Variants in OLAH observed in about 807,000 individuals in gnomAD.
OLAH encodes oleoyl-ACP hydrolase.
Under a neutral mutation model 27.8 loss-of-function variants are expected in OLAH, and 33 were observed. The ratio of observed to expected loss-of-function variants is 1.19; its 90% CI spans 0.90 to 1.59. OLAH has a LOEUF of 1.59. Ranked by LOEUF, OLAH falls within the 40% of genes most tolerant of loss-of-function variation. The pLI is 0.00. For missense variants in OLAH, 359 were observed against 310.8 expected, an observed-to-expected ratio of 1.16 and a Z score of -1.17; for synonymous variants, 120 against 102.9, an observed-to-expected ratio of 1.17 and a Z score of -1.01.
At chr10:15,064,550 A>G in intron 5 of OLAH, 48 bp downstream of exon 5, 1 of 1,062,612 alleles carries the variant, frequency 9.4e-7, no homozygotes, top group East Asian at 2.6e-5. Context: ...GAGCAGGGAA[A>G]TGGGGATAAA....
chr10:15,059,233 C>T (rs908200124), intron 3 of OLAH, among the ~76,000 whole-genome samples: 6 of 143,594 alleles, frequency 4.2e-5, no homozygotes, highest in Non-Finnish European at 7.6e-5. Context: ...TGTCTCCCAG[C>T]TTCAGTGCAG....
At chr10:15,049,575 T>G in intron 2 of OLAH, 60 bp from the exon 3 acceptor site, 1 of 1,059,860 alleles carries the variant, frequency 9.4e-7, no homozygotes, top group Non-Finnish European at 1.3e-6. Flanking sequence ...CACAGGTAAT[T>G]CAGTATAGGG....
At chr10:15,044,173 T>A (rs1397157471) in intron 1 of OLAH, among the ~76,000 whole-genome samples, 187 bp downstream of exon 1, 2 of 152,160 alleles carry the variant, frequency 1.3e-5, no homozygotes, top group Non-Finnish European at 2.9e-5. Context: ...TCTGTCATCT[T>A]GTATTCAATT....
At chr10:15,070,811 G>A (rs1382622538) in intron 6 of OLAH, among the ~76,000 whole-genome samples, 1 of 138,372 alleles carries the variant, frequency 7.2e-6, no homozygotes, top group Non-Finnish European at 1.5e-5. Flanking sequence ...TTTGAGACAG[G>A]ATCTTACTCT....
upstream of OLAH, among the ~76,000 whole-genome samples, chr10:15,043,612 C>T (rs1192056461): frequency 6.6e-6 from 1 of 151,780 alleles, no homozygotes; most frequent in African/African-American, 2.4e-5. Context: ...GTAGCAGGTG[C>T]CTACCACCAT....
intron 3 of OLAH, among the ~76,000 whole-genome samples, chr10:15,054,612 CT>C (rs5783429): frequency 0.43 from 65,723 of 151,798 alleles, 14,412 homozygotes; most frequent in East Asian, 0.6. Context: ...ATGACTACTA[CT>C]TTGTTTTGTA....
intron 1 of OLAH, among the ~76,000 whole-genome samples, chr10:15,035,900 A>C (rs1016666197): frequency 3.9e-5 from 6 of 152,126 alleles, no homozygotes; most frequent in Non-Finnish European, 7.4e-5. Flanking sequence ...TTCATTGCTC[A>C]TGTTCTCATT....
intron 3 of OLAH, among the ~76,000 whole-genome samples, chr10:15,053,574 A>G (rs1443287352): frequency 6.6e-6 from 1 of 152,230 alleles, no homozygotes; most frequent in Admixed American, 6.5e-5. Context: ...TCAAGGTAGA[A>G]GGGATGCAAC....
chr10:15,053,209 G>A (rs1844180209), intron 3 of OLAH, among the ~76,000 whole-genome samples: 1 of 152,086 alleles, frequency 6.6e-6, no homozygotes, highest in East Asian at 1.9e-4. Flanking sequence ...CCCCCAGCCA[G>A]GAATGTCAAG....
At chr10:15,042,923 T>C (rs564057015), upstream of OLAH, among the ~76,000 whole-genome samples, 8 of 133,152 alleles carry the variant, frequency 6.0e-5, no homozygotes, top group Non-Finnish European at 6.2e-5. Flanking sequence ...TGCAGTGGCG[T>C]GATCTCCGCT....
chr10:15,045,193 G>A (rs897082511), intron 1 of OLAH, among the ~76,000 whole-genome samples: 6 of 152,346 alleles, frequency 3.9e-5, no homozygotes, highest in Non-Finnish European at 7.3e-5. Context: ...AACTTGGACA[G>A]TGGTTAAATG....
intron 1 of OLAH, among the ~76,000 whole-genome samples, chr10:15,037,124 G>A (rs12253467): frequency 0.011 from 1,681 of 151,182 alleles, 30 homozygotes; most frequent in African/African-American, 0.038. Flanking sequence ...TCTTGAAATC[G>A]GCTGGAGCAA....
upstream of OLAH, among the ~76,000 whole-genome samples, chr10:15,039,515 T>G (rs1345853883): frequency 1.3e-5 from 2 of 152,172 alleles, no homozygotes; most frequent in Non-Finnish European, 2.9e-5. Context: ...AGGCGGAGGT[T>G]GCAGTGAGCC....
intron 6 of OLAH, among the ~76,000 whole-genome samples, chr10:15,070,382 G>A (rs954455557): frequency 4.6e-5 from 7 of 152,216 alleles, no homozygotes; most frequent in African/African-American, 1.7e-4. Context: ...TTCACTCTTA[G>A]GACAACCAAC....
At chr10:15,057,014 T>A in intron 3 of OLAH, 2 of 1,383,350 alleles carry the variant, frequency 1.4e-6, no homozygotes, top group Admixed American at 3.3e-5. Flanking sequence ...TGTCTTCTAG[T>A]TTGTGCCACC....
intron 5 of OLAH, among the ~76,000 whole-genome samples, chr10:15,065,045 T>A (rs1404359833): frequency 6.6e-6 from 1 of 152,218 alleles, no homozygotes; most frequent in African/African-American, 2.4e-5. Context: ...TCTTTCAATA[T>A]CATTCTCTGT....
chr10:15,055,573 C>T (rs1266185692), intron 3 of OLAH, among the ~76,000 whole-genome samples: 1 of 152,140 alleles, frequency 6.6e-6, no homozygotes, highest in Non-Finnish European at 1.5e-5. Context: ...CCTGTAATTC[C>T]TAAAGGTCTT....
At chr10:15,056,712 C>G (rs1468493874) in intron 3 of OLAH, 1 of 1,163,518 alleles carries the variant, frequency 8.6e-7, no homozygotes, top group African/African-American at 1.6e-5. Context: ...CTCATTGCAG[C>G]CTTAACTTTT....
At chr10:15,046,102 T>C (rs2131339052) in intron 1 of OLAH, among the ~76,000 whole-genome samples, 1 of 150,308 alleles carries the variant, frequency 6.7e-6, no homozygotes, top group East Asian at 2.0e-4. Context: ...TCCCAGCACT[T>C]TGGGAGGCTG....
Sources: allele counts gnomAD v4.1 joint callset (sites outside exome capture counted in the v4.1 genomes callset), GRCh38; gene constraint gnomAD v4.1.1; transcripts MANE v1.5; gene names NCBI Gene and HGNC (gene_info 2026-07-23, HGNC 2026-07-21).